The following NAV3 variants were observed in gnomAD, a reference collection of about 807,000 sequenced individuals.
NAV3 encodes the protein neuron navigator 3.
Under a neutral mutation model 244.7 loss-of-function variants are expected in NAV3, and 87 were observed. The ratio of observed to expected loss-of-function variants is 0.36; its 90% confidence interval spans 0.30 to 0.42. NAV3 has a LOEUF of 0.42. NAV3 is among the 20% of genes least tolerant of loss of function. The pLI is 1.00. For missense variants in NAV3, 2,663 were observed against 2,893.3 expected (o/e 0.92, Z 1.83); for synonymous variants, 1,126 against 1,042.2 (o/e 1.08, Z -1.55).
At chr12:77,783,160 C>T (rs1191276387) in intron 2 of NAV3, 3 of 151,970 alleles carry the variant, frequency 2.0e-5, no homozygotes, top group Non-Finnish European at 2.9e-5. Flanking sequence ...CTGATTAACA[C>T]CAGTACTGGC....
At chr12:77,988,835 A>G (rs1870983288) in intron 5 of NAV3, among the ~76,000 whole-genome samples, 1 of 152,094 alleles carries the variant, frequency 6.6e-6, no homozygotes, top group African/African-American at 2.4e-5. Flanking sequence ...GGCTGTGCTT[A>G]CTCACCTGGT....
intron 9 of NAV3, among the ~76,000 whole-genome samples, chr12:78,034,120 C>T (rs1345265518): frequency 3.9e-5 from 6 of 152,210 alleles, no homozygotes; most frequent in Admixed American, 3.9e-4. Flanking sequence ...GATTTCCCAA[C>T]TTCGGCACTG....
At chr12:77,702,210 T>C (rs1452925714) in intron 2 of NAV3, among the ~76,000 whole-genome samples, 1 of 152,050 alleles carries the variant, frequency 6.6e-6, no homozygotes, top group Non-Finnish European at 1.5e-5. Context: ...GTGCAAAAGG[T>C]CCTTCCTTAT....
chr12:78,050,916 G>A lies in NAV3; in HGVS notation c.2285G>A (p.Gly762Asp), dbSNP rs1882651997. The A allele has an allele frequency of 6.2e-7, 1 of 1,613,886 alleles. No homozygotes were observed. The highest frequency in any genetic ancestry group is 1.3e-5 in the African/African-American group (1 of 74,894). ...GGAGATGCTCCCTCCCTGGGTGCTG[G>A]CTATCCTCGCAGTGGTACCAGTCGA... Reference protein sequence around the residue: ...QAGDAPSLGAGYPRSGTSRFI... With the variant: ...QAGDAPSLGADYPRSGTSRFI... Residue 762 changes from glycine (G) to aspartate (D), a missense_variant, in exon 11 of 40, where the codon GGC becomes GAC. Physicochemically the swap from Gly to Asp is moderately conservative, Grantham distance 94. Coordinates refer to ENST00000397909, the MANE Select transcript of NAV3 (RefSeq NM_001024383.2).
At chr12:77,645,137 C>T (rs1477310952) in intron 2 of NAV3, among the ~76,000 whole-genome samples, 3 of 152,106 alleles carry the variant, frequency 2.0e-5, no homozygotes, top group Non-Finnish European at 2.9e-5. Flanking sequence ...TGGCCATCTA[C>T]CCACAAAGGC....
chr12:77,908,802 C>T (rs999932164), intron 1 of NAV3, among the ~76,000 whole-genome samples: 2 of 151,904 alleles, frequency 1.3e-5, no homozygotes, highest in African/African-American at 4.8e-5. Flanking sequence ...CAGATTGTTC[C>T]TTCTCTATAA....
At chr12:77,624,262 T>A (rs931870295) in intron 2 of NAV3, among the ~76,000 whole-genome samples, 2 of 152,182 alleles carry the variant, frequency 1.3e-5, no homozygotes, top group African/African-American at 2.4e-5. Flanking sequence ...AATCACTCAG[T>A]GCAAAAGCTG....
rs374406795 is a variant in NAV3, at chr12:78,076,411, G to A, written c.2636+17296G>A. ...ATCTTATAATTCGCCATGTTATATT[G>A]AGGACTCTGTGTCTGTCTTTTCCAG... On this transcript the variant is annotated intron_variant, in intron 12 of 39. Transcript: ENST00000397909. 1.8e-4 allele frequency among the ~76,000 whole-genome samples: 28 copies of A among 152,172 alleles called. No individual in the cohort carries two copies. The South Asian group carries it at 5.8e-3, about 32-fold the overall frequency.
At chr12:77,730,865 A>G (rs1277347138) in intron 2 of NAV3, among the ~76,000 whole-genome samples, 1 of 151,796 alleles carries the variant, frequency 6.6e-6, no homozygotes, top group Non-Finnish European at 1.5e-5. Context: ...TTCACAAGTA[A>G]AGGGCACATT....
At chr12:77,777,659 G>T (rs543132722) in intron 2 of NAV3, among the ~76,000 whole-genome samples, 7 of 152,222 alleles carry the variant, frequency 4.6e-5, no homozygotes, top group African/African-American at 1.7e-4. Flanking sequence ...TGGATAAGGG[G>T]TACTACTATA....
At chr12:77,895,582 G>A (rs935853521) in intron 1 of NAV3, among the ~76,000 whole-genome samples, 1 of 151,796 alleles carries the variant, frequency 6.6e-6, no homozygotes, top group Non-Finnish European at 1.5e-5. Flanking sequence ...TCTCTAATTG[G>A]AAACTTTTAC....
intron 1 of NAV3, among the ~76,000 whole-genome samples, chr12:77,890,398 G>A (rs1242321236): frequency 6.6e-6 from 1 of 152,108 alleles, no homozygotes; most frequent in Non-Finnish European, 1.5e-5. Flanking sequence ...TTACAGGCAT[G>A]AACCACTGTA....
intron 2 of NAV3, among the ~76,000 whole-genome samples, chr12:77,821,287 C>T (rs905649142): frequency 6.6e-6 from 1 of 152,130 alleles, no homozygotes; most frequent in Non-Finnish European, 1.5e-5. Flanking sequence ...GAACTGATTA[C>T]AGGCAGCAAT....
Position 77,895,304 on chromosome 12 carries a change from A to G in NAV3, c.244-45015A>G, listed in dbSNP as rs1270727470. On this transcript the variant is annotated intron_variant, in intron 1 of 39. Transcript: ENST00000397909. ...CATTTTAATTTTAAAATAGGTTTAG[A>G]ATGATTGTGTGTGTGTGTGTGTGTG... Among the ~76,000 whole-genome samples, 6 of 101,202 alleles carry G rather than the reference A, an allele frequency of 5.9e-5. No individual in the cohort carries two copies. In the South Asian group the frequency reaches 2.0e-3, roughly 33 times the overall value. 66.4% of individuals were successfully genotyped at this position (101,202 alleles called of 152,430 possible). A position where few individuals can be genotyped will look rare whatever the true frequency, so the allele number is the denominator to read the frequency against.
At chr12:77,824,369 A>ATGCCACTGCGCCC (rs1872880683) in intron 2 of NAV3, among the ~76,000 whole-genome samples, 1 of 150,904 alleles carries the variant, frequency 6.6e-6, no homozygotes, top group Non-Finnish European at 1.5e-5. Context: ...CTGGGATTAC[A>ATGCCACTGCGCCC]GGCATGCGCC....
At chr12:78,115,589 T>C (rs545445315) in intron 12 of NAV3, among the ~76,000 whole-genome samples, 2 of 152,372 alleles carry the variant, frequency 1.3e-5, no homozygotes, top group South Asian at 4.1e-4. Context: ...TAAGTAGTCA[T>C]GTGCCACAGA....
intron 2 of NAV3, among the ~76,000 whole-genome samples, chr12:77,802,163 A>C (rs1185057162): frequency 6.6e-6 from 1 of 152,226 alleles, no homozygotes; most frequent in Admixed American, 6.5e-5. Flanking sequence ...GAATGTAAGA[A>C]ATAATTACAG....
chr12:77,984,313 A>G (rs1045270875), intron 5 of NAV3, among the ~76,000 whole-genome samples: 11 of 152,186 alleles, frequency 7.2e-5, no homozygotes, highest in African/African-American at 2.7e-4. Flanking sequence ...AGCCATGCTT[A>G]TGTGCTTTCA....
At chr12:77,613,947 C>T (rs143134433) in intron 2 of NAV3, among the ~76,000 whole-genome samples, 3 of 152,200 alleles carry the variant, frequency 2.0e-5, no homozygotes, top group Non-Finnish European at 4.4e-5. Context: ...GGGCTTCCCC[C>T]TATAACATGA....
Sources: allele counts gnomAD v4.1 joint callset (sites outside exome capture counted in the v4.1 genomes callset), GRCh38; gene constraint gnomAD v4.1.1; transcripts MANE v1.5; gene names NCBI Gene and HGNC (gene_info 2026-07-23, HGNC 2026-07-21).